MTSS1: variants seen among roughly 807,000 people sequenced by gnomAD.
The protein encoded by MTSS1 is protein MTSS 1.
Under a neutral mutation model 79.0 loss-of-function variants are expected in MTSS1, and 18 were observed. The observed-to-expected ratio is 0.23, with a 90% CI of 0.16 to 0.34. The LOEUF (loss-of-function observed/expected upper bound fraction) is 0.34, where lower values mean the gene tolerates loss of function less well. Among genes scored for constraint, MTSS1 ranks in the 10% least tolerant of loss-of-function variants. The pLI is 1.00. For missense variants in MTSS1, 815 were observed against 986.2 expected, an observed-to-expected ratio of 0.83 and a Z score of 2.33; for synonymous variants, 341 against 368.6, an observed-to-expected ratio of 0.93 and a Z score of 0.86.
intron 11 of MTSS1, among the ~76,000 whole-genome samples, chr8:124,557,435 A>G (rs1036791583): frequency 2.0e-5 from 3 of 152,180 alleles, no homozygotes; most frequent in Non-Finnish European, 4.4e-5. Context: ...TCCATCAGGG[A>G]TTGACCAAAG....
intron 3 of MTSS1, among the ~76,000 whole-genome samples, chr8:124,661,250 G>T (rs1821970087): frequency 6.6e-6 from 1 of 151,730 alleles, no homozygotes; most frequent in Admixed American, 6.6e-5. Context: ...AAAAACCTTA[G>T]GAAAATGGTC....
At chr8:124,628,102 G>T (rs573939405) in intron 3 of MTSS1, among the ~76,000 whole-genome samples, 3 of 152,188 alleles carry the variant, frequency 2.0e-5, no homozygotes, top group African/African-American at 7.2e-5. Flanking sequence ...GGGAGATGGA[G>T]GTTGCAGTGA....
intron 3 of MTSS1, among the ~76,000 whole-genome samples, chr8:124,629,505 C>CAA (rs982816199): frequency 0.1 from 6,449 of 61,804 alleles, 378 homozygotes; most frequent in African/African-American, 0.18. Flanking sequence ...GACTCCGTCT[C>CAA]AAAAAAAAAA....
Position 124,589,653 on chromosome 8 carries a change from C to T in MTSS1, c.352G>A (p.Val118Met). 1 of 1,613,574 alleles carries T rather than the reference C, an allele frequency of 6.2e-7. No homozygotes were observed. The highest frequency in any genetic ancestry group is 8.5e-7 in the Non-Finnish European group (1 of 1,179,792). The change falls in exon 5 of 14, where the codon GTG (valine) becomes ATG (methionine). Residue 118 changes from valine to methionine, a missense_variant. Transcript: ENST00000518547. ...LQEQMEEWKK[V>M]ANQLDKDHAK... ...TGGTCTTTATCCAGCTGGTTGGCCA[C>T]TTTCTTCCATTCTTCCATCTGTTCT...
At chr8:124,616,627 G>A (rs1243114254) in intron 3 of MTSS1, among the ~76,000 whole-genome samples, 1 of 152,156 alleles carries the variant, frequency 6.6e-6, no homozygotes, top group Non-Finnish European at 1.5e-5. Context: ...CAAAACATAG[G>A]AGAGAAAGGG....
At chr8:124,721,450 G>A (rs1346293288) in intron 1 of MTSS1, among the ~76,000 whole-genome samples, 5 of 121,890 alleles carry the variant, frequency 4.1e-5, no homozygotes, top group Admixed American at 1.1e-4. Context: ...TCATTCTGTC[G>A]CCAGGCTGGA....
Position 124,727,765 on chromosome 8 carries a change from G to A in MTSS1, c.72+119C>T. The A allele has an allele frequency of 1.2e-6, 1 of 851,172 alleles. No individual in the cohort carries two copies. The highest frequency in any genetic ancestry group is 1.8e-5 in the South Asian group (1 of 54,690). 52.7% of individuals were successfully genotyped at this position (851,172 alleles called of 1,614,324 possible). On this transcript the variant is annotated intron_variant, in intron 1 of 13. Transcript: ENST00000518547. The surrounding 1 kb of genome is among the most constrained non-coding windows in gnomAD (Gnocchi z 4.7). ...GACACTCCGGCCGGGAGCTCCCGCA[G>A]GTGGCCGGTGGCCACACTGCAGGGA... is the stretch of plus-strand genomic sequence containing the variant.
rs1267288696 is a variant in MTSS1 at position 124,553,585 on chromosome 8, G to A, written c.1675C>T (p.Arg559Ter). ...PRNSDISQSY[R>*]RMFQAKRPAS... is the part of the protein sequence containing the mutation. Reference sequence around the variant, plus strand: ...GGACGCTTGGCTTGGAACATCCGTCGGTAGGACTGGCTGATGTCGCTGTTT... The same window carrying A: ...GGACGCTTGGCTTGGAACATCCGTCAGTAGGACTGGCTGATGTCGCTGTTT... The change falls in exon 14 of 14, where the codon CGA (arginine) becomes TGA (stop). Residue 559 changes from arginine to a stop codon, truncating the protein, a stop_gained. Coordinates refer to ENST00000518547, the MANE Select transcript of MTSS1 (RefSeq NM_014751.6). LOFTEE classifies it high-confidence loss of function. The surrounding 1 kb of genome is among the most constrained non-coding windows in gnomAD (Gnocchi z 6.0). 1.2e-6 allele frequency: 2 copies of A among 1,614,068 alleles called. No individual in the cohort carries two copies. The highest frequency in any genetic ancestry group is 2.2e-5 in the East Asian group (1 of 44,888).
At chr8:124,575,757 A>C (rs1270699241) in intron 6 of MTSS1, among the ~76,000 whole-genome samples, 2 of 152,208 alleles carry the variant, frequency 1.3e-5, no homozygotes, top group African/African-American at 4.8e-5. Flanking sequence ...AAAAAGAGAC[A>C]TTTCAGAGAA....
intron 3 of MTSS1, among the ~76,000 whole-genome samples, chr8:124,648,541 T>G (rs1419395360): frequency 2.6e-5 from 4 of 152,110 alleles, no homozygotes; most frequent in Non-Finnish European, 5.9e-5. Context: ...AAAGCCAGCA[T>G]TTGTAAAAGG....
chr8:124,555,852 C>G lies in MTSS1; in HGVS notation c.1457G>C (p.Gly486Ala), dbSNP rs147521841. ...GCTCCTCTGGGTGTCCAGCTGCAGG[C>G]CCCGAGACAGGGCCAGGGCCAGCTC... ...CEELALALSRGLQLDTQRSSR... is the reference protein window; with the variant it reads ...CEELALALSRALQLDTQRSSR... The change falls in exon 13 of 14, where the codon GGC becomes GCC. Residue 486 changes from glycine (G) to alanine (A), a missense_variant. Physicochemically the swap from Gly to Ala is moderately conservative, Grantham distance 60. Around this residue, in one of 2 missense-constraint regions of MTSS1, gnomAD observed 590 missense variants for 620.8 expected, o/e 0.95. Transcript: ENST00000518547. The G allele has an allele frequency of 1.8e-5, 29 of 1,612,758 alleles. No homozygotes were observed. Among genetic ancestry groups the G allele is most frequent in the Non-Finnish European group, 2.5e-5 (29 of 1,179,964 alleles).
At chr8:124,643,995 G>A (rs907559496) in intron 3 of MTSS1, among the ~76,000 whole-genome samples, 8 of 152,188 alleles carry the variant, frequency 5.3e-5, no homozygotes, top group African/African-American at 1.9e-4. Context: ...GAGGGACAAA[G>A]CACACTAAAG....
chr8:124,553,611 C>A lies in MTSS1; in HGVS notation c.1649G>T (p.Arg550Ile). 6.2e-7 allele frequency: 1 copy of A among 1,614,168 alleles called. No individual in the cohort carries two copies. Among genetic ancestry groups the A allele is most frequent in the Non-Finnish European group, 8.5e-7 (1 of 1,180,024 alleles). The change falls in exon 14 of 14, where the codon AGA becomes ATA. Residue 550 changes from arginine (R) to isoleucine (I), a missense_variant. Arg to Ile is a moderately conservative substitution (Grantham distance 97, BLOSUM62 -3). Coordinates refer to ENST00000518547, the MANE Select transcript of MTSS1 (RefSeq NM_014751.6). This position sits in a 1 kb window ranked among gnomAD's most constrained non-coding sequence, Gnocchi z 6.0. ...GTAGGACTGGCTGATGTCGCTGTTT[C>A]TTGGAATGGTGGAGGACTTGTCGAA... ...QEFDKSSTIPRNSDISQSYRR... is the reference protein window; with the variant it reads ...QEFDKSSTIPINSDISQSYRR...
At chr8:124,715,211 C>T (rs1289915973) in intron 1 of MTSS1, among the ~76,000 whole-genome samples, 1 of 152,216 alleles carries the variant, frequency 6.6e-6, no homozygotes. Flanking sequence ...CCAATCTCTC[C>T]AATACCCTGA....
chr8:124,622,293 G>A (rs1452461491), intron 3 of MTSS1, among the ~76,000 whole-genome samples: 3 of 151,808 alleles, frequency 2.0e-5, no homozygotes, highest in Non-Finnish European at 2.9e-5. Flanking sequence ...AAATAAAACA[G>A]TGGTTACCAA....
chr8:124,639,015 G>A (rs922117809), intron 3 of MTSS1, among the ~76,000 whole-genome samples: 9 of 152,130 alleles, frequency 5.9e-5, no homozygotes, highest in Non-Finnish European at 1.2e-4. Context: ...TTTCAAATGC[G>A]TATGTAGCAA....
chr8:124,567,915 A>G, intron 7 of MTSS1: 5 of 1,416,968 alleles, frequency 3.5e-6, no homozygotes, highest in Non-Finnish European at 4.6e-6. Flanking sequence ...GTCTAAATTG[A>G]TTCATTGAGG....
intron 3 of MTSS1, among the ~76,000 whole-genome samples, chr8:124,626,059 A>G (rs796379361): frequency 3.1e-4 from 47 of 152,326 alleles, no homozygotes; most frequent in African/African-American, 1.1e-3. Context: ...TCAAACCCAA[A>G]TAGAACTCTA....
intron 3 of MTSS1, among the ~76,000 whole-genome samples, chr8:124,604,578 A>G (rs929895350): frequency 6.6e-6 from 1 of 152,204 alleles, no homozygotes; most frequent in Non-Finnish European, 1.5e-5. Context: ...AAAAACATGC[A>G]GAAAATTTCC....
Sources: gnomAD v4.1 joint callset for allele counts (sites outside exome capture counted in the v4.1 genomes callset) on GRCh38, gnomAD v4.1.1 for gene constraint, gnomAD v4.1.1 regional missense constraint, Gnocchi (gnomAD v3.1) non-coding constraint, MANE v1.5 for transcripts, NCBI Gene and HGNC (gene_info 2026-07-23, HGNC 2026-07-21) for gene names.